The following NLRC5 variants were observed in gnomAD, a reference collection of about 807,000 sequenced individuals.
NLRC5 encodes the protein NLR family CARD domain containing 5.
A neutral mutation model predicts 206.9 loss-of-function variants in NLRC5; 114 were observed. The ratio of observed to expected loss-of-function variants is 0.55; its 90% CI spans 0.47 to 0.64. NLRC5 has a LOEUF of 0.64. Ranked by LOEUF, NLRC5 falls within the 30% of genes least tolerant of loss-of-function variation. The pLI is 0.00. For synonymous variants in NLRC5, 952 were observed against 962.8 expected, an observed-to-expected ratio of 0.99 and a Z score of 0.21; for missense variants, 2,008 against 2,305.5, an observed-to-expected ratio of 0.87 and a Z score of 2.64.
chr16:57,074,574 A>T, intron 38 of NLRC5, 26 bp from the exon 39 acceptor site: 1 of 1,609,614 alleles, frequency 6.2e-7, no homozygotes. Flanking sequence ...CCAGATGTCA[A>T]GTTCACCTGG....
intron 38 of NLRC5, among the ~76,000 whole-genome samples, 199 bp downstream of exon 38, chr16:57,070,817 G>GAAGGGGGTGGTT (rs1226025098): frequency 3.3e-5 from 5 of 151,364 alleles, no homozygotes; most frequent in Non-Finnish European, 7.4e-5. Flanking sequence ...GGTTAATGGG[G>GAAGGGGGTGGTT]AATGGGGTGA....
At chr16:57,023,905 G>C in intron 5 of NLRC5, 52 bp downstream of exon 5, 4 of 1,527,684 alleles carry the variant, frequency 2.6e-6, no homozygotes, top group Non-Finnish European at 3.6e-6. Context: ...GTTGCCTGGG[G>C]GCCAAGACCC....
chr16:57,082,254 G>A (rs1306870467), intron 48 of NLRC5, among the ~76,000 whole-genome samples, 163 bp from the exon 49 acceptor site: 1 of 152,166 alleles, frequency 6.6e-6, no homozygotes, highest in African/African-American at 2.4e-5. Context: ...GGCAGGTGTG[G>A]GGTACACCCT....
chr16:57,078,168 C>A, intron 43 of NLRC5, 148 bp downstream of exon 43: 1 of 599,998 alleles, frequency 1.7e-6, no homozygotes, highest in Non-Finnish European at 2.8e-6. Flanking sequence ...TCCTTCCCTG[C>A]CTCTGATGTC....
chr16:56,990,693 A>T (rs1479651991), intron 1 of NLRC5: 1 of 152,220 alleles, frequency 6.6e-6, no homozygotes, highest in Non-Finnish European at 1.5e-5. Context: ...ACCCGGGGGT[A>T]GCAGGAGGCA....
chr16:57,003,761 ATC>A (rs1327856957), intron 1 of NLRC5: 4 of 152,154 alleles, frequency 2.6e-5, no homozygotes, highest in African/African-American at 9.7e-5. Flanking sequence ...CTGCTACCCT[ATC>A]TTTCTTCCAC....
chr16:57,045,744 G>T (rs1333910730), intron 21 of NLRC5, among the ~76,000 whole-genome samples: 1 of 152,236 alleles, frequency 6.6e-6, no homozygotes, highest in Non-Finnish European at 1.5e-5. Context: ...GTTGGGAGAG[G>T]TCCCAGAGCA....
chr16:57,015,783 C>T (rs2059999417), intron 1 of NLRC5, among the ~76,000 whole-genome samples: 1 of 151,182 alleles, frequency 6.6e-6, no homozygotes, highest in African/African-American at 2.4e-5. Flanking sequence ...CAAAATTAGC[C>T]GGGTGTAGTG....
At position 57,021,679 on chromosome 16, in the gene NLRC5, TTTTG is replaced by T. The variant is rs751688201; in HGVS notation, c.296-561_296-558del. On this transcript the variant is annotated intron_variant, in intron 3 of 48. Transcript: ENST00000688547. Reference sequence around the variant, plus strand: ...AGCCATCACACCTGGCTAGAGGTGTTTTTGTTTGTTTGTTTGTTTTGCAACATGG... The same window carrying T: ...AGCCATCACACCTGGCTAGAGGTGTTTTTGTTTGTTTGTTTTGCAACATGG... 5.9e-5 allele frequency among the ~76,000 whole-genome samples: 9 copies of T among 152,248 alleles called. No homozygotes were observed. The Middle Eastern group carries it at 0.01, about 173-fold the overall frequency.
chr16:57,024,133 G>A (rs369940851), intron 5 of NLRC5, among the ~76,000 whole-genome samples: 3 of 152,242 alleles, frequency 2.0e-5, no homozygotes, highest in East Asian at 3.8e-4. Context: ...CAGCTTCGCT[G>A]TCCAGGCTTT....
At chr16:57,080,549 A>G (rs2069005419) in intron 46 of NLRC5, among the ~76,000 whole-genome samples, 1 of 141,810 alleles carries the variant, frequency 7.1e-6, no homozygotes, top group Non-Finnish European at 1.5e-5. Context: ...CAGTGGTGCA[A>G]TCTCGGCTCA....
chr16:57,033,995 T>C (rs2062191790), intron 12 of NLRC5, among the ~76,000 whole-genome samples, 173 bp from the exon 13 acceptor site: 1 of 152,222 alleles, frequency 6.6e-6, no homozygotes. Flanking sequence ...AGGAGGAAAC[T>C]GAGTCTCAGA....
At chr16:57,039,683 C>A in intron 15 of NLRC5, 98 bp from the exon 16 acceptor site, 1 of 1,106,822 alleles carries the variant, frequency 9.0e-7, no homozygotes, top group Non-Finnish European at 1.4e-6. Flanking sequence ...CACCACTGCA[C>A]ACCAGCTTGG....
intron 47 of NLRC5, 72 bp from the exon 48 acceptor site, chr16:57,081,455 A>C: frequency 3.5e-6 from 5 of 1,413,632 alleles, no homozygotes; most frequent in Non-Finnish European, 5.0e-6. Context: ...TGAGGAAGGG[A>C]CCTAGGAAAC....
rs2060959305 is a variant in NLRC5, at chr16:57,023,883, C to T, written c.424+30C>T. 5.7e-6 allele frequency: 9 copies of T among 1,588,878 alleles called. No homozygotes were observed. In the East Asian group the frequency reaches 1.8e-4, roughly 32 times the overall value. Reference sequence around the variant, plus strand: ...GTACCAGTGTGGGGAGGAACATAAACAGAGAGATGGGGTTGCCTGGGGGCC... The same window carrying T: ...GTACCAGTGTGGGGAGGAACATAAATAGAGAGATGGGGTTGCCTGGGGGCC... On this transcript the variant is annotated intron_variant, in intron 5 of 48. Transcript: ENST00000688547.
chr16:57,052,261 T>G (rs2065021911), intron 24 of NLRC5, among the ~76,000 whole-genome samples: 1 of 152,080 alleles, frequency 6.6e-6, no homozygotes, highest in Non-Finnish European at 1.5e-5. Context: ...TCACCTGAGG[T>G]CAGGAGTTTG....
rs368759343 is a variant in NLRC5 at position 57,074,629 on chromosome 16, C to T, written c.4697C>T (p.Thr1566Ile). The part of the protein sequence containing the change: ...DLSHLLLNSS[T>I]LALLTHRLSQ... The stretch of plus-strand genomic sequence containing the variant: ...AGTCACCTTCTGCTGAACAGCTCCA[C>T]CTTGGCCTTGCTTACTCACAGACTA... The change falls in exon 39 of 49, where the codon ACC (threonine) becomes ATC (isoleucine). Residue 1566 changes from threonine to isoleucine, a missense_variant. By Grantham distance (89) the Thr-to-Ile change is moderately conservative. Coordinates refer to ENST00000688547, the MANE Select transcript of NLRC5 (RefSeq NM_001384950.1). The T allele has an allele frequency of 9.9e-6, 16 of 1,613,906 alleles. No individual in the cohort carries two copies. The highest frequency in any genetic ancestry group is 8.3e-5 in the Admixed American group (5 of 59,996).
intron 28 of NLRC5, chr16:57,058,383 C>T (rs924635784): frequency 2.0e-5 from 11 of 538,092 alleles, no homozygotes; most frequent in Admixed American, 3.3e-5. Flanking sequence ...GGCTGTGATT[C>T]GTGGCAGGGT....
chr16:57,036,156 C>T lies in NLRC5; in HGVS notation c.2684C>T (p.Ser895Phe). 6.2e-7 allele frequency: 1 copy of T among 1,613,526 alleles called. No individual in the cohort carries two copies. The highest frequency in any genetic ancestry group is 8.5e-7 in the Non-Finnish European group (1 of 1,179,992). The change falls in exon 14 of 49, where the codon TCC (serine) becomes TTC (phenylalanine). Residue 895 changes from serine to phenylalanine, a missense_variant. Transcript: ENST00000688547. ...EGCRLMAEAA[S>F]QLHIARKLDL... ...TGTCGGCTGATGGCAGAGGCTGCAT[C>T]CCAGCTGCACATCGCCAGGAAGCTG...
Sources: gnomAD v4.1 joint callset for allele counts (sites outside exome capture counted in the v4.1 genomes callset) on GRCh38, gnomAD v4.1.1 for gene constraint, MANE v1.5 for transcripts, NCBI Gene and HGNC (gene_info 2026-07-23, HGNC 2026-07-21) for gene names.